The following FOXP1 variants were observed in gnomAD, a reference collection of about 807,000 sequenced individuals.
FOXP1 encodes the protein forkhead box protein P1.
A neutral mutation model predicts 98.2 loss-of-function variants in FOXP1; 15 were observed. The observed-to-expected ratio is 0.15, with a 90% confidence interval of 0.10 to 0.24. The LOEUF is 0.24. Among genes scored for constraint, FOXP1 ranks in the 10% least tolerant of loss-of-function variants. The probability of loss-of-function intolerance (pLI) is 1.00; values close to 1 mark genes in which losing one functional copy is unlikely to be tolerated. For synonymous variants in FOXP1, 371 were observed against 314.5 expected (o/e 1.18, Z -1.90); for missense variants, 633 against 848.5 (o/e 0.75, Z 3.15).
intron 20 of FOXP1, among the ~76,000 whole-genome samples, chr3:70,959,724 C>T (rs1349528443): frequency 1.3e-5 from 2 of 152,120 alleles, no homozygotes; most frequent in Non-Finnish European, 1.5e-5. Flanking sequence ...AGTCTCTGGA[C>T]TGGTGTGGGC....
At chr3:71,302,580 T>TA (rs1191672359) in intron 4 of FOXP1, 2 of 151,922 alleles carry the variant, frequency 1.3e-5, no homozygotes, top group Non-Finnish European at 1.5e-5. Context: ...TGTCTTCTTT[T>TA]AAAAAATGCT....
At chr3:71,504,521 T>C (rs2041660137) in intron 2 of FOXP1, among the ~76,000 whole-genome samples, 1 of 152,198 alleles carries the variant, frequency 6.6e-6, no homozygotes, top group Non-Finnish European at 1.5e-5. Context: ...AGACAATTCT[T>C]ACATTAAAAA....
Position 70,992,024 on chromosome 3 carries a change from G to C in FOXP1, c.1063-3947C>G, listed in dbSNP as rs185681831. ...TCTTTTCAAAGAATCTCCATGGAAGGGGGGCACATGGAGTTTTAAGAGGCA... is the reference window on the plus strand; with the variant it reads ...TCTTTTCAAAGAATCTCCATGGAAGCGGGGCACATGGAGTTTTAAGAGGCA... On this transcript the variant is annotated intron_variant, in intron 13 of 20. Coordinates refer to ENST00000649528, the MANE Select transcript of FOXP1 (RefSeq NM_001349338.3). 3.1e-3 allele frequency among the ~76,000 whole-genome samples: 479 copies of C among 152,278 alleles called. 1 individual carries two copies. The highest frequency in any genetic ancestry group is 0.017 in the Middle Eastern group (5 of 294).
intron 3 of FOXP1, among the ~76,000 whole-genome samples, chr3:71,454,811 A>G (rs1379853879): frequency 3.9e-5 from 5 of 128,074 alleles, no homozygotes; most frequent in Admixed American, 3.8e-4. Context: ...AAAAACAAAA[A>G]AAAAACTGCT....
chr3:71,216,732 G>A (rs1214313450), intron 5 of FOXP1, among the ~76,000 whole-genome samples: 1 of 151,930 alleles, frequency 6.6e-6, no homozygotes, highest in Non-Finnish European at 1.5e-5. Context: ...AAGTATGAGG[G>A]AAAAGGATAC....
chr3:71,137,498 T>C (rs1372716917), intron 6 of FOXP1, among the ~76,000 whole-genome samples: 1 of 152,132 alleles, frequency 6.6e-6, no homozygotes, highest in East Asian at 1.9e-4. Context: ...ATTAGATGCA[T>C]GAGGTTTCCT....
intron 4 of FOXP1, among the ~76,000 whole-genome samples, chr3:71,307,723 T>C (rs2074377216): frequency 6.6e-6 from 1 of 152,218 alleles, no homozygotes; most frequent in Non-Finnish European, 1.5e-5. Flanking sequence ...TTGGCAGTTT[T>C]GAGGGTAGTT....
At chr3:70,980,234 A>G (rs1284199548) in intron 14 of FOXP1, among the ~76,000 whole-genome samples, 2 of 152,172 alleles carry the variant, frequency 1.3e-5, no homozygotes, top group South Asian at 2.1e-4. Context: ...GGCCTTAATC[A>G]CTGACCAAGT....
chr3:71,567,182 C>T (rs916729378), intron 2 of FOXP1, among the ~76,000 whole-genome samples: 4 of 151,998 alleles, frequency 2.6e-5, no homozygotes, highest in South Asian at 2.1e-4. Flanking sequence ...AGAAAGTGGA[C>T]GGTCAATACA....
At chr3:71,253,158 A>G (rs1481033271) in intron 5 of FOXP1, among the ~76,000 whole-genome samples, 2 of 152,242 alleles carry the variant, frequency 1.3e-5, no homozygotes, top group Non-Finnish European at 2.9e-5. Flanking sequence ...AAAATCCTTC[A>G]AGGGAAGTTG....
chr3:71,220,436 T>A (rs1209114505), intron 5 of FOXP1, among the ~76,000 whole-genome samples: 8 of 152,052 alleles, frequency 5.3e-5, no homozygotes, highest in Non-Finnish European at 1.2e-4. Flanking sequence ...AGGTGACACT[T>A]GAAAGGGAAT....
chr3:71,314,097 A>C (rs1346383340), intron 4 of FOXP1, among the ~76,000 whole-genome samples: 2 of 152,094 alleles, frequency 1.3e-5, no homozygotes, highest in Non-Finnish European at 1.5e-5. Context: ...TTGACATGTC[A>C]TAAGTACTTA....
intron 4 of FOXP1, chr3:71,304,652 A>C: frequency 6.6e-6 from 1 of 152,184 alleles, no homozygotes; most frequent in Middle Eastern, 3.2e-3. Flanking sequence ...TCCCCTTAAA[A>C]ACCAAGTATA....
At chr3:71,180,296 G>A (rs755525090) in intron 6 of FOXP1, among the ~76,000 whole-genome samples, 4 of 150,612 alleles carry the variant, frequency 2.7e-5, no homozygotes, top group Non-Finnish European at 6.0e-5. Flanking sequence ...GACTCACCAG[G>A]TAACAGCCTA....
intron 7 of FOXP1, among the ~76,000 whole-genome samples, chr3:71,088,403 T>G (rs1229493945): frequency 6.6e-6 from 1 of 151,522 alleles, no homozygotes. Flanking sequence ...GTTTTTTGTT[T>G]TTTTTTTTTT....
At chr3:71,286,308 G>A (rs886879152) in intron 5 of FOXP1, among the ~76,000 whole-genome samples, 5 of 137,658 alleles carry the variant, frequency 3.6e-5, no homozygotes, top group South Asian at 4.9e-4. Context: ...AGTGTCCCCC[G>A]CCACCCCCGC....
chr3:71,063,358 C>T (rs1431934083), intron 7 of FOXP1, among the ~76,000 whole-genome samples: 1 of 152,200 alleles, frequency 6.6e-6, no homozygotes, highest in East Asian at 1.9e-4. Flanking sequence ...TTCTTTTAAA[C>T]AACAGTAACA....
At chr3:70,993,293 T>C (rs1397849800) in intron 13 of FOXP1, among the ~76,000 whole-genome samples, 1 of 152,134 alleles carries the variant, frequency 6.6e-6, no homozygotes, top group Non-Finnish European at 1.5e-5. Flanking sequence ...CTTGCTACCA[T>C]GGAATGCCCA....
intron 2 of FOXP1, among the ~76,000 whole-genome samples, chr3:71,496,194 TGC>T (rs2091394996): frequency 6.6e-6 from 1 of 152,232 alleles, no homozygotes; most frequent in African/African-American, 2.4e-5. Flanking sequence ...GATGAGGTCA[TGC>T]ACTGTCTCCA....
Sources: allele counts gnomAD v4.1 joint callset (sites outside exome capture counted in the v4.1 genomes callset), GRCh38; gene constraint gnomAD v4.1.1; transcripts MANE v1.5; gene names NCBI Gene and HGNC (gene_info 2026-07-23, HGNC 2026-07-21).